Variants in MGA observed in about 807,000 individuals in gnomAD.
The protein encoded by MGA is MAX dimerization protein MGA.
Under a neutral mutation model 261.1 loss-of-function variants are expected in MGA, and 40 were observed. The observed-to-expected ratio is 0.15, with a 90% CI of 0.12 to 0.20. MGA has a LOEUF of 0.20. Ranked by LOEUF, MGA falls within the 10% of genes least tolerant of loss-of-function variation. The probability of loss-of-function intolerance (pLI) is 1.00; values close to 1 mark genes in which losing one functional copy is unlikely to be tolerated. For missense variants in MGA, 3,397 were observed against 3,630.5 expected, an observed-to-expected ratio of 0.94 and a Z score of 1.65; for synonymous variants, 1,302 against 1,290.6, an observed-to-expected ratio of 1.01 and a Z score of -0.19.
chr15:41,629,723 T>G (rs1004024177), intron 1 of MGA, among the ~76,000 whole-genome samples: 2 of 152,062 alleles, frequency 1.3e-5, no homozygotes, highest in African/African-American at 4.8e-5. Context: ...ATGGAGATCC[T>G]GTCTCAAAAA....
chr15:41,696,778 A>G lies in MGA; in HGVS notation c.1768A>G (p.Met590Val), dbSNP rs772197698. The G allele has an allele frequency of 1.4e-5, 22 of 1,607,928 alleles. No homozygotes were observed. Among genetic ancestry groups the G allele is most frequent in the Middle Eastern group, 1.7e-4 (1 of 6,060 alleles). The change falls in exon 3 of 24, where the codon ATG becomes GTG. Residue 590 changes from methionine (M) to valine (V), a missense_variant. Transcript: ENST00000219905. ...GGACTTGGGCAGAAAGAGAACAACT[A>G]TGCTTAAGATTGCAACAGCCGCAAA...
At chr15:41,634,586 ATCCTTCCCCTT>A (rs1044066301) in intron 1 of MGA, among the ~76,000 whole-genome samples, 3 of 152,202 alleles carry the variant, frequency 2.0e-5, no homozygotes, top group African/African-American at 4.8e-5. Context: ...CTCAGGAGAC[ATCCTTCCCCTT>A]TCCTTCCCCT....
chr15:41,691,953 A>G (rs1414212302), intron 2 of MGA, among the ~76,000 whole-genome samples: 1 of 147,142 alleles, frequency 6.8e-6, no homozygotes. Flanking sequence ...AGCTTCTTGG[A>G]TCTGTGGGTT....
chr15:41,699,082 C>A lies in MGA; in HGVS notation c.2111C>A (p.Ser704Tyr), dbSNP rs766937605. ...GGTGTAGGTTACAGAGCAAGAATTT[C>A]CCAGTTGGAAAAGGAATTGATAGAA... The change falls in exon 5 of 24, where the codon TCC becomes TAC. Residue 704 changes from serine to tyrosine, a missense_variant. Ser to Tyr is a moderately radical substitution (Grantham distance 144). Around this residue, in one of 9 missense-constraint regions of MGA, gnomAD observed 563 missense variants for 563.6 expected, o/e 1.00. Coordinates refer to ENST00000219905, the MANE Select transcript of MGA (RefSeq NM_001164273.2). 7.4e-6 allele frequency: 12 copies of A among 1,611,278 alleles called. No homozygotes were observed. The African/African-American group carries it at 1.3e-4, about 18-fold the overall frequency.
At chr15:41,699,368 A>G (rs1022681317) in intron 5 of MGA, among the ~76,000 whole-genome samples, 2 of 152,106 alleles carry the variant, frequency 1.3e-5, no homozygotes, top group African/African-American at 2.4e-5. Context: ...TTTAAAAACC[A>G]TGTCTAATAT....
At chr15:41,676,237 C>T (rs1017722881) in intron 2 of MGA, among the ~76,000 whole-genome samples, 4 of 152,190 alleles carry the variant, frequency 2.6e-5, no homozygotes, top group Admixed American at 2.6e-4. Flanking sequence ...AGCTGGAGTC[C>T]AGTGGTGCAA....
At chr15:41,661,441 A>C (rs1465475401) in intron 1 of MGA, among the ~76,000 whole-genome samples, 1 of 150,286 alleles carries the variant, frequency 6.7e-6, no homozygotes, top group African/African-American at 2.5e-5. Flanking sequence ...GGGAGTGCAA[A>C]AGTGGTAGTG....
chr15:41,655,874 C>T (rs560396060), upstream of MGA, among the ~76,000 whole-genome samples: 7 of 152,272 alleles, frequency 4.6e-5, no homozygotes, highest in Middle Eastern at 3.4e-3. Flanking sequence ...GTATGTATTA[C>T]GACCCTGTTT....
chr15:41,624,056 G>A (rs988683971), intron 1 of MGA, among the ~76,000 whole-genome samples: 6 of 150,678 alleles, frequency 4.0e-5, no homozygotes, highest in African/African-American at 9.7e-5. Context: ...GTGAGCCACC[G>A]AGCCCAGCAA....
chr15:41,674,793 C>G (rs887121134), intron 2 of MGA, among the ~76,000 whole-genome samples: 1 of 152,248 alleles, frequency 6.6e-6, no homozygotes, highest in Non-Finnish European at 1.5e-5. Flanking sequence ...GTTGGGATTA[C>G]AGGCGTGAGC....
chr15:41,676,141 AAGTG>A (rs2058361440), intron 2 of MGA, among the ~76,000 whole-genome samples: 1 of 152,196 alleles, frequency 6.6e-6, no homozygotes, highest in Admixed American at 6.5e-5. Flanking sequence ...ATCAGAATGC[AAGTG>A]AGTGAGAATG....
chr15:41,725,985 T>TA (rs1350385175), intron 9 of MGA, among the ~76,000 whole-genome samples: 2 of 152,180 alleles, frequency 1.3e-5, no homozygotes, highest in Non-Finnish European at 2.9e-5. Context: ...TATTAACAAG[T>TA]AAAAATGCAT....
rs11389766 is a variant in MGA, at chr15:41,741,346, CAAAAAAA to C, written c.4585+1159_4585+1165del. 2.1e-4 allele frequency among the ~76,000 whole-genome samples: 15 copies of C among 72,330 alleles called. No homozygotes were observed. In the East Asian group the frequency reaches 3.7e-3, roughly 18 times the overall value. The allele number at this position is 72,330 out of a possible 152,430, so 47.5% of individuals were successfully genotyped here. On this transcript the variant is annotated intron_variant, in intron 14 of 23. Coordinates refer to ENST00000219905, the MANE Select transcript of MGA (RefSeq NM_001164273.2). The stretch of plus-strand genomic sequence containing the variant: ...TGGTGACAGAGTGAGACTCCATCTC[CAAAAAAA>C]AAAAAAAAAAAAAAAGAATCTATTT...
At chr15:41,701,076 ACAT>A (rs2059827336) in intron 5 of MGA, among the ~76,000 whole-genome samples, 1 of 152,240 alleles carries the variant, frequency 6.6e-6, no homozygotes, top group African/African-American at 2.4e-5. Flanking sequence ...ATAGACAGTC[ACAT>A]CATAGCAATC....
chr15:41,721,416 C>G (rs996629748), intron 9 of MGA, among the ~76,000 whole-genome samples: 1 of 152,026 alleles, frequency 6.6e-6, no homozygotes, highest in Non-Finnish European at 1.5e-5. Context: ...TGCAGTGAGC[C>G]GAGATTGTGC....
intron 1 of MGA, among the ~76,000 whole-genome samples, chr15:41,640,094 T>C: frequency 6.6e-6 from 1 of 152,170 alleles, no homozygotes; most frequent in East Asian, 1.9e-4. Context: ...ATGAAAATAC[T>C]CGACTTTAAG....
At chr15:41,667,784 T>C (rs1447866441) in intron 1 of MGA, among the ~76,000 whole-genome samples, 1 of 152,002 alleles carries the variant, frequency 6.6e-6, no homozygotes, top group African/African-American at 2.4e-5. Context: ...ATTAAAAAAT[T>C]TACAGAATAT....
Position 41,669,618 on chromosome 15 carries a change from A to G in MGA, c.724A>G (p.Ile242Val). ...CTTTGCAGTAACAGCTTATCAGAACATTCAGATTACTCAGCTGAAAATAGA... is the reference window on the plus strand; with the variant it reads ...CTTTGCAGTAACAGCTTATCAGAACGTTCAGATTACTCAGCTGAAAATAGA... Residue 242 changes from isoleucine to valine, a missense_variant, in exon 2 of 24, where the codon ATT (isoleucine) becomes GTT (valine). Ile to Val is a conservative substitution (Grantham distance 29). Transcript: ENST00000219905. 1 of 1,613,994 alleles carries G rather than the reference A, an allele frequency of 6.2e-7. No individual in the cohort carries two copies. The highest frequency in any genetic ancestry group is 1.3e-5 in the African/African-American group (1 of 75,060).
rs2151993471 is a variant in MGA, at chr15:41,760,476, A to T, written c.7345A>T (p.Thr2449Ser). 6.2e-7 allele frequency: 1 copy of T among 1,614,058 alleles called. No individual in the cohort carries two copies. The highest frequency in any genetic ancestry group is 8.5e-7 in the Non-Finnish European group (1 of 1,179,894). Residue 2449 changes from threonine to serine, a missense_variant, in exon 20 of 24, where the codon ACA becomes TCA. Coordinates refer to ENST00000219905, the MANE Select transcript of MGA (RefSeq NM_001164273.2). ...GGATCTCTTTGAGAAATTAAAGATCACATTGGGATTACTTCATTCTTCCAA... is the reference window on the plus strand; with the variant it reads ...GGATCTCTTTGAGAAATTAAAGATCTCATTGGGATTACTTCATTCTTCCAA...
Sources: allele counts gnomAD v4.1 joint callset (sites outside exome capture counted in the v4.1 genomes callset), GRCh38; gene constraint gnomAD v4.1.1; regional missense constraint gnomAD v4.1.1; transcripts MANE v1.5; gene names NCBI Gene and HGNC (gene_info 2026-07-23, HGNC 2026-07-21).